Variants in MCTP1 observed in about 807,000 individuals in gnomAD.
MCTP1 encodes multiple C2 and transmembrane domain-containing protein 1.
Under a neutral mutation model 120.6 loss-of-function variants are expected in MCTP1, and 69 were observed. The observed-to-expected ratio is 0.57, with a 90% CI of 0.47 to 0.70. The LOEUF is 0.70. Ranked by LOEUF, MCTP1 falls within the 30% of genes least tolerant of loss-of-function variation. MCTP1 has a pLI of 0.00. For missense variants in MCTP1, 1,203 were observed against 1,248.8 expected, an observed-to-expected ratio of 0.96 and a Z score of 0.55; for synonymous variants, 529 against 493.1, an observed-to-expected ratio of 1.07 and a Z score of -0.96.
chr5:95,095,553 T>C lies in MCTP1; in HGVS notation c.721-78069A>G, dbSNP rs1756196655. Among the ~76,000 whole-genome samples the C allele has an allele frequency of 2.0e-5, 3 of 152,162 alleles. No homozygotes were observed. In the South Asian group the frequency reaches 6.2e-4, roughly 32 times the overall value. On this transcript the variant is annotated intron_variant, in intron 1 of 22. Transcript: ENST00000515393. ...GCAGAGCAGCAAGAACTCAGGGGAT[T>C]ACAAAAATAACTGCATCCAAACCAC...
At chr5:94,976,501 T>TTAG (rs1441694176) in intron 2 of MCTP1, among the ~76,000 whole-genome samples, 2 of 152,030 alleles carry the variant, frequency 1.3e-5, no homozygotes, top group Non-Finnish European at 2.9e-5. Flanking sequence ...CAATCTAATT[T>TTAG]TAGTAGCAAT....
At chr5:94,739,727 T>C (rs760632890) in intron 19 of MCTP1, among the ~76,000 whole-genome samples, 14 of 152,224 alleles carry the variant, frequency 9.2e-5, no homozygotes, top group Non-Finnish European at 1.3e-4. Context: ...TGCAATGGCA[T>C]GATCTCAGCC....
At chr5:94,717,556 C>CACATAGGA (rs1395367333) in intron 19 of MCTP1, among the ~76,000 whole-genome samples, 1 of 152,080 alleles carries the variant, frequency 6.6e-6, no homozygotes, top group Non-Finnish European at 1.5e-5. Flanking sequence ...AAAGGGTATT[C>CACATAGGA]ACATAGGAAC....
intron 1 of MCTP1, among the ~76,000 whole-genome samples, chr5:95,123,313 G>T (rs1156316064): frequency 6.6e-6 from 1 of 151,826 alleles, no homozygotes; most frequent in Non-Finnish European, 1.5e-5. Context: ...TGGAGGAACA[G>T]AATATAATAT....
At chr5:95,096,050 GA>G (rs1756242692) in intron 1 of MCTP1, among the ~76,000 whole-genome samples, 2 of 152,112 alleles carry the variant, frequency 1.3e-5, no homozygotes, top group South Asian at 2.1e-4. Flanking sequence ...CAATGACAAT[GA>G]AAAAATGTGA....
intron 1 of MCTP1, among the ~76,000 whole-genome samples, chr5:95,216,631 A>T: frequency 6.9e-6 from 1 of 145,708 alleles, no homozygotes; most frequent in East Asian, 1.9e-4. Flanking sequence ...CAGCACTCTA[A>T]GAAGTAGCTA....
At chr5:94,765,760 G>C (rs1356089778) in intron 19 of MCTP1, among the ~76,000 whole-genome samples, 1 of 146,968 alleles carries the variant, frequency 6.8e-6, no homozygotes, top group East Asian at 2.0e-4. Flanking sequence ...AATTACAAAG[G>C]AGAAACAAAA....
At position 94,870,480 on chromosome 5, in the gene MCTP1, G is replaced by A; in HGVS notation, c.2253C>T (p.Ser751=). 1 of 1,610,128 alleles carries A rather than the reference G, an allele frequency of 6.2e-7. No individual in the cohort carries two copies. The highest frequency in any genetic ancestry group is 2.2e-5 in the East Asian group (1 of 44,806). The stretch of plus-strand genomic sequence containing the variant: ...GTTCTTTGGGTATTAATGTTCGTAA[G>A]CTGGCTTTCACCTATACATCAACAT... ...IDVIFNAVKA[S]LRTLIPKEQK... The change falls in exon 16 of 23, where the codon AGC becomes AGT. Residue 751 remains serine (S), a synonymous_variant. Transcript: ENST00000515393.
intron 2 of MCTP1, among the ~76,000 whole-genome samples, chr5:94,977,159 A>G (rs1404662724): frequency 1.3e-5 from 2 of 152,162 alleles, no homozygotes; most frequent in Non-Finnish European, 2.9e-5. Flanking sequence ...AATCAATTGC[A>G]TTTTTATACA....
At chr5:94,874,435 C>T (rs987724131) in intron 12 of MCTP1, among the ~76,000 whole-genome samples, 1 of 152,046 alleles carries the variant, frequency 6.6e-6, no homozygotes, top group Admixed American at 6.6e-5. Context: ...TTTGACTCAC[C>T]TTTAATTTAT....
chr5:95,073,790 T>C (rs192590624), intron 1 of MCTP1, among the ~76,000 whole-genome samples: 6 of 152,294 alleles, frequency 3.9e-5, no homozygotes, highest in Admixed American at 1.3e-4. Context: ...CCAGGTTTTC[T>C]TAACTTGGAG....
chr5:94,839,485 A>C (rs1790530036), intron 17 of MCTP1, among the ~76,000 whole-genome samples: 1 of 152,218 alleles, frequency 6.6e-6, no homozygotes, highest in Non-Finnish European at 1.5e-5. Context: ...AGGCTCAATA[A>C]AATAGAATTT....
intron 2 of MCTP1, among the ~76,000 whole-genome samples, chr5:94,953,880 TGC>T (rs1821413108): frequency 8.4e-6 from 1 of 119,234 alleles, no homozygotes; most frequent in Non-Finnish European, 1.7e-5. Context: ...CAAATATATA[TGC>T]ATATATATAC....
chr5:95,005,284 A>T (rs1326861011), intron 2 of MCTP1, among the ~76,000 whole-genome samples: 1 of 152,186 alleles, frequency 6.6e-6, no homozygotes, highest in East Asian at 1.9e-4. Flanking sequence ...TTACAGGCTC[A>T]TAGGCAGAAG....
chr5:95,193,965 C>A (rs1310233628), intron 1 of MCTP1, among the ~76,000 whole-genome samples: 1 of 152,128 alleles, frequency 6.6e-6, no homozygotes, highest in Non-Finnish European at 1.5e-5. Context: ...AACCTCAACA[C>A]TTTAGAAGGC....
intron 1 of MCTP1, among the ~76,000 whole-genome samples, chr5:95,239,878 A>AT (rs1241814943): frequency 6.6e-6 from 1 of 151,828 alleles, no homozygotes; most frequent in Non-Finnish European, 1.5e-5. Flanking sequence ...CACATTTTTA[A>AT]TTTTTTTATT....
intron 7 of MCTP1, among the ~76,000 whole-genome samples, chr5:94,919,259 A>T (rs1810939034): frequency 6.6e-6 from 1 of 152,202 alleles, no homozygotes; most frequent in Non-Finnish European, 1.5e-5. Context: ...CTAGCATATA[A>T]ATTGGAAGCA....
At chr5:94,793,565 C>T (rs767193444) in intron 18 of MCTP1, 4 of 152,220 alleles carry the variant, frequency 2.6e-5, no homozygotes, top group Non-Finnish European at 4.4e-5. Context: ...GAGATGCAAA[C>T]ACAGGAAACT....
At chr5:95,069,476 G>A (rs138624679) in intron 1 of MCTP1, among the ~76,000 whole-genome samples, 3 of 148,938 alleles carry the variant, frequency 2.0e-5, no homozygotes, top group East Asian at 1.9e-4. Flanking sequence ...AACATACAGT[G>A]TACAGAAATA....
Sources: gnomAD v4.1 joint callset for allele counts (sites outside exome capture counted in the v4.1 genomes callset) on GRCh38, gnomAD v4.1.1 for gene constraint, MANE v1.5 for transcripts, NCBI Gene and HGNC (gene_info 2026-07-23, HGNC 2026-07-21) for gene names.